The following BCL11A variants were observed in gnomAD, a reference collection of about 807,000 sequenced individuals.
The protein encoded by BCL11A is BCL11 transcription factor A.
A neutral mutation model predicts 55.9 loss-of-function variants in BCL11A; 2 were observed. That is an observed-to-expected ratio of 0.04 (90% confidence interval 0.01 to 0.11). The LOEUF (loss-of-function observed/expected upper bound fraction) is 0.11. Ranked by LOEUF, BCL11A falls within the 10% of genes least tolerant of loss-of-function variation. The pLI is 1.00. For missense variants in BCL11A, 817 were observed against 1,137.1 expected, an observed-to-expected ratio of 0.72 and a Z score of 4.05; for synonymous variants, 465 against 473.4, an observed-to-expected ratio of 0.98 and a Z score of 0.23.
At chr2:60,477,303 A>G (rs1237499406) in intron 2 of BCL11A, among the ~76,000 whole-genome samples, 1 of 152,230 alleles carries the variant, frequency 6.6e-6, no homozygotes, top group African/African-American at 2.4e-5. Flanking sequence ...TATCAAAGCC[A>G]GCAGAACACA....
At chr2:60,493,399 C>A (rs1678760402) in intron 2 of BCL11A, among the ~76,000 whole-genome samples, 1 of 152,126 alleles carries the variant, frequency 6.6e-6, no homozygotes, top group African/African-American at 2.4e-5. Flanking sequence ...ATTTTGTCAT[C>A]CTCCAGGCTG....
chr2:60,540,946 TTGTGTGTGTGTGTG>T (rs368895286), intron 2 of BCL11A, among the ~76,000 whole-genome samples: 78 of 140,312 alleles, frequency 5.6e-4, no homozygotes, highest in African/African-American at 1.6e-3. Flanking sequence ...AGCACTGGTT[TTGTGTGTGTGTGTG>T]TGTGTGTGTG....
intron 2 of BCL11A, among the ~76,000 whole-genome samples, chr2:60,497,972 G>A (rs1377822827): frequency 1.3e-5 from 2 of 152,114 alleles, no homozygotes; most frequent in Non-Finnish European, 2.9e-5. Context: ...AAAGGTCAGG[G>A]TGTTGCAGAG....
At chr2:60,501,187 T>G (rs1249775898) in intron 2 of BCL11A, among the ~76,000 whole-genome samples, 1 of 152,242 alleles carries the variant, frequency 6.6e-6, no homozygotes, top group Non-Finnish European at 1.5e-5. Context: ...TCAGAAACAC[T>G]ACCTTCATTC....
chr2:60,546,230 A>T lies in BCL11A; in HGVS notation c.126T>A (p.Asp42Glu). The T allele has an allele frequency of 6.2e-7, 1 of 1,614,190 alleles. No individual in the cohort carries two copies. The highest frequency in any genetic ancestry group is 1.3e-5 in the African/African-American group (1 of 75,038). ...ACTGCCCACAGGTGAGGAGGTCATG[A>T]TCCCCTTCTGGAGCTCCCAACGGGC... The part of the protein sequence containing the change: ...DHGPLGAPEG[D>E]HDLLTCGQCQ... The change falls in exon 2 of 4, where the codon GAT becomes GAA. Residue 42 changes from aspartate to glutamate, a missense_variant. Around this residue, in one of 4 missense-constraint regions of BCL11A, gnomAD observed 363 missense variants for 486.6 expected, o/e 0.75. Coordinates refer to ENST00000642384, the MANE Select transcript of BCL11A (RefSeq NM_022893.4). The surrounding 1 kb of genome is among the most constrained non-coding windows in gnomAD (Gnocchi z 4.1).
At chr2:60,452,359 T>A (rs1675758060), downstream of BCL11A, 1 of 496,990 alleles carries the variant, frequency 2.0e-6, no homozygotes, top group Non-Finnish European at 3.6e-6. Flanking sequence ...ACTGTTCCAA[T>A]GTGGGTCTGT....
intron 2 of BCL11A, among the ~76,000 whole-genome samples, chr2:60,512,503 C>T (rs1368157392): frequency 1.3e-5 from 2 of 152,216 alleles, no homozygotes; most frequent in Non-Finnish European, 2.9e-5. Context: ...TGCTTGCCTT[C>T]CCGGCTCCCC....
At position 60,498,034 on chromosome 2, in the gene BCL11A, C is replaced by A. The variant is rs142174420; in HGVS notation, c.386-29201G>T. On this transcript the variant is annotated intron_variant, in intron 2 of 3. Transcript: ENST00000642384. ...CCATGGAGGTGGGGAGATGAGGGACCCACCTGGCAGACCCTCAAGAGCAGG... is the reference window on the plus strand; with the variant it reads ...CCATGGAGGTGGGGAGATGAGGGACACACCTGGCAGACCCTCAAGAGCAGG... Among the ~76,000 whole-genome samples, 48 of 151,878 alleles carry A rather than the reference C, an allele frequency of 3.2e-4. 1 individual carries two copies. Among genetic ancestry groups the A allele is most frequent in the Non-Finnish European group, 6.2e-4 (42 of 67,952 alleles).
chr2:60,452,610 A>G (rs201277008), downstream of BCL11A: 49 of 1,613,770 alleles, frequency 3.0e-5, no homozygotes, highest in Non-Finnish European at 4.0e-5. Flanking sequence ...CCATCCGAAA[A>G]CTGCCACACA....
At chr2:60,504,255 G>A (rs992370509) in intron 2 of BCL11A, among the ~76,000 whole-genome samples, 3 of 152,188 alleles carry the variant, frequency 2.0e-5, no homozygotes, top group Non-Finnish European at 4.4e-5. Flanking sequence ...GCTGCCTACC[G>A]GCACGCATGC....
At chr2:60,486,111 G>A (rs1678262144) in intron 2 of BCL11A, among the ~76,000 whole-genome samples, 1 of 152,178 alleles carries the variant, frequency 6.6e-6, no homozygotes, top group African/African-American at 2.4e-5. Context: ...GTAGAGAACT[G>A]TGACAAGCTG....
intron 1 of BCL11A, among the ~76,000 whole-genome samples, chr2:60,551,678 CGAG>C (rs1420305224): frequency 6.6e-6 from 1 of 152,132 alleles, no homozygotes; most frequent in Non-Finnish European, 1.5e-5. Context: ...TCTGGGAGGT[CGAG>C]AAGAGGTCTC....
intron 2 of BCL11A, among the ~76,000 whole-genome samples, chr2:60,540,946 T>TGTGTGTG (rs1669894023): frequency 7.1e-6 from 1 of 140,216 alleles, no homozygotes; most frequent in Non-Finnish European, 1.5e-5. Flanking sequence ...AGCACTGGTT[T>TGTGTGTG]TGTGTGTGTG....
At chr2:60,521,356 C>A (rs1668984353) in intron 2 of BCL11A, among the ~76,000 whole-genome samples, 1 of 152,208 alleles carries the variant, frequency 6.6e-6, no homozygotes, top group Non-Finnish European at 1.5e-5. Context: ...ACCAGAGGGA[C>A]CCGGGCCTGG....
chr2:60,553,149 T>G, intron 1 of BCL11A, 67 bp downstream of exon 1: 1 of 1,509,038 alleles, frequency 6.6e-7, no homozygotes, highest in Non-Finnish European at 8.9e-7. Flanking sequence ...CCCCCTCGCT[T>G]TTGCTTCTAG....
At chr2:60,551,702 T>C (rs1241312267) in intron 1 of BCL11A, among the ~76,000 whole-genome samples, 3 of 152,048 alleles carry the variant, frequency 2.0e-5, no homozygotes, top group African/African-American at 7.2e-5. Context: ...GGCATTGTGC[T>C]GGGGGCGGAC....
chr2:60,500,291 C>G lies in BCL11A; in HGVS notation c.386-31458G>C, dbSNP rs78127159. 2.5e-3 allele frequency among the ~76,000 whole-genome samples: 379 copies of G among 152,312 alleles called. 4 individuals carry two copies. Among genetic ancestry groups the G allele is most frequent in the African/African-American group, 8.8e-3 (364 of 41,562 alleles). ...AAGTCAAGCCCAGGCGGGGAGGGGA[C>G]AGGGGGCAGGTAGGGATAGGGCAGG... On this transcript the variant is annotated intron_variant, in intron 2 of 3. Transcript: ENST00000642384.
intron 2 of BCL11A, among the ~76,000 whole-genome samples, chr2:60,475,628 A>T (rs559040389): frequency 6.6e-6 from 1 of 151,986 alleles, no homozygotes; most frequent in East Asian, 1.9e-4. Context: ...CATCCCTCCA[A>T]ATTTCCCCTC....
intron 2 of BCL11A, among the ~76,000 whole-genome samples, chr2:60,511,198 G>A (rs1271713686): frequency 6.6e-6 from 1 of 152,332 alleles, no homozygotes; most frequent in Non-Finnish European, 1.5e-5. Context: ...CTCCTGGCAG[G>A]GGCACTGGGG....
Sources: allele counts gnomAD v4.1 joint callset (sites outside exome capture counted in the v4.1 genomes callset), GRCh38; gene constraint gnomAD v4.1.1; regional missense constraint gnomAD v4.1.1; non-coding constraint Gnocchi (gnomAD v3.1); transcripts MANE v1.5; gene names NCBI Gene and HGNC (gene_info 2026-07-23, HGNC 2026-07-21).